CCDC7: variants seen among roughly 807,000 people sequenced by gnomAD.
CCDC7 encodes the protein coiled-coil domain-containing protein 7.
CCDC7 carries 183 observed loss-of-function variants against 196.9 expected under a neutral mutation model. The observed-to-expected ratio is 0.93, with a 90% CI of 0.82 to 1.05. The LOEUF (loss-of-function observed/expected upper bound fraction) is 1.05. Among genes scored for constraint, CCDC7 ranks in the 50% least tolerant of loss-of-function variants. The probability of loss-of-function intolerance (pLI) is 0.00; values close to 1 mark genes in which losing one functional copy is unlikely to be tolerated. For synonymous variants in CCDC7, 525 were observed against 484.6 expected (o/e 1.08, Z -1.10); for missense variants, 1,540 against 1,482.2 (o/e 1.04, Z -0.64).
At chr10:32,691,803 G>T (rs1469519051) in intron 23 of CCDC7, among the ~76,000 whole-genome samples, 1 of 152,180 alleles carries the variant, frequency 6.6e-6, no homozygotes, top group East Asian at 1.9e-4. Flanking sequence ...TGTAGCCTCT[G>T]CAGATGATGG....
intron 41 of CCDC7, among the ~76,000 whole-genome samples, chr10:32,857,339 T>A (rs2093793203): frequency 6.6e-6 from 1 of 152,192 alleles, no homozygotes; most frequent in Non-Finnish European, 1.5e-5. Flanking sequence ...TTTTTTCTAG[T>A]GCATATGGAA....
intron 30 of CCDC7, among the ~76,000 whole-genome samples, chr10:32,811,376 G>A (rs1470161631): frequency 6.6e-6 from 1 of 151,948 alleles, no homozygotes; most frequent in Non-Finnish European, 1.5e-5. Flanking sequence ...ACAACTATAC[G>A]CTGATAAACT....
At chr10:32,710,234 A>G (rs2141874544) in intron 24 of CCDC7, among the ~76,000 whole-genome samples, 2 of 152,316 alleles carry the variant, frequency 1.3e-5, no homozygotes, top group East Asian at 3.9e-4. Flanking sequence ...AAATTCTCCT[A>G]GATCACACAG....
intron 29 of CCDC7, among the ~76,000 whole-genome samples, chr10:32,798,963 A>C (rs2084206965): frequency 6.6e-6 from 1 of 152,172 alleles, no homozygotes; most frequent in Non-Finnish European, 1.5e-5. Flanking sequence ...GCAGGGTGGC[A>C]GGAGTGGGGA....
chr10:32,829,776 G>A (rs975971968), intron 32 of CCDC7, among the ~76,000 whole-genome samples: 1 of 152,044 alleles, frequency 6.6e-6, no homozygotes, highest in African/African-American at 2.4e-5. Flanking sequence ...GTGTGTCTGT[G>A]AGGGTGTTGC....
intron 31 of CCDC7, among the ~76,000 whole-genome samples, chr10:32,816,589 T>A (rs573608497): frequency 4.0e-4 from 61 of 152,252 alleles, no homozygotes; most frequent in African/African-American, 1.2e-3. Flanking sequence ...CAACCCCTAG[T>A]AGGGGCAGAC....
intron 24 of CCDC7, among the ~76,000 whole-genome samples, chr10:32,709,720 A>C (rs1219668334): frequency 6.6e-6 from 1 of 152,166 alleles, no homozygotes; most frequent in Non-Finnish European, 1.5e-5. Context: ...AGTACTGGTC[A>C]TGGCCTCGGT....
intron 21 of CCDC7, among the ~76,000 whole-genome samples, chr10:32,667,946 A>T (rs1482908649): frequency 1.3e-5 from 2 of 152,084 alleles, no homozygotes; most frequent in Non-Finnish European, 2.9e-5. Context: ...TTGAATCTAT[A>T]AATTACCTTG....
chr10:32,829,061 C>T (rs12268877), intron 32 of CCDC7, among the ~76,000 whole-genome samples: 2,552 of 152,202 alleles, frequency 0.017, 73 homozygotes, highest in African/African-American at 0.058. Flanking sequence ...GTGATTGACC[C>T]GGACTATCAA....
chr10:32,683,950 C>T (rs2076166762), intron 21 of CCDC7, among the ~76,000 whole-genome samples: 1 of 152,166 alleles, frequency 6.6e-6, no homozygotes, highest in Admixed American at 6.5e-5. Flanking sequence ...AGCTTTTGAG[C>T]TCTATACTGT....
intron 11 of CCDC7, among the ~76,000 whole-genome samples, chr10:32,538,662 A>G (rs139869191): frequency 1.3e-5 from 2 of 152,298 alleles, no homozygotes; most frequent in African/African-American, 4.8e-5. Context: ...TGTTCCTTCA[A>G]TGCCTAGTTT....
chr10:32,810,104 A>G (rs1200866408), intron 30 of CCDC7, among the ~76,000 whole-genome samples: 4 of 152,126 alleles, frequency 2.6e-5, no homozygotes, highest in Admixed American at 1.3e-4. Context: ...CCAAACCACA[A>G]TGATAAACAA....
rs761241804 is a variant in CCDC7 at position 32,833,358 on chromosome 10, A to ATTT, written c.3269-1457_3269-1456insTTT. Among the ~76,000 whole-genome samples, 206 of 148,412 alleles carry ATTT rather than the reference A, an allele frequency of 1.4e-3. 1 individual carries two copies. Among genetic ancestry groups the ATTT allele is most frequent in the South Asian group, 2.1e-3 (10 of 4,734 alleles). On this transcript the variant is annotated intron_variant, in intron 32 of 41. Transcript: ENST00000639629. The stretch of plus-strand genomic sequence containing the variant: ...ATGATATATTACCCTTTTTTTAAAA[A>ATTT]AAAAAAAAAGAAAGCTCAATAAAAT...
chr10:32,767,414 T>G (rs1365051644), intron 28 of CCDC7, among the ~76,000 whole-genome samples: 2 of 152,182 alleles, frequency 1.3e-5, no homozygotes, highest in Non-Finnish European at 2.9e-5. Flanking sequence ...TTCTAAACTA[T>G]TGATTGTATT....
chr10:32,698,115 T>C (rs934186560), intron 24 of CCDC7, among the ~76,000 whole-genome samples: 1 of 152,024 alleles, frequency 6.6e-6, no homozygotes, highest in African/African-American at 2.4e-5. Flanking sequence ...CTAAGGGTCC[T>C]GACTGTTAGA....
intron 18 of CCDC7, among the ~76,000 whole-genome samples, chr10:32,599,936 TTTG>T (rs1391878611): frequency 3.3e-5 from 5 of 152,158 alleles, no homozygotes; most frequent in Non-Finnish European, 7.4e-5. Flanking sequence ...TTTTGTGTGG[TTTG>T]TTGAAGATTA....
chr10:32,750,199 A>G (rs1227181954), intron 28 of CCDC7, among the ~76,000 whole-genome samples: 1 of 152,076 alleles, frequency 6.6e-6, no homozygotes, highest in Non-Finnish European at 1.5e-5. Context: ...AAGACATGTA[A>G]CCATATTTTG....
At chr10:32,668,513 A>G (rs1342415376) in intron 21 of CCDC7, among the ~76,000 whole-genome samples, 1 of 152,162 alleles carries the variant, frequency 6.6e-6, no homozygotes, top group Non-Finnish European at 1.5e-5. Flanking sequence ...GATTTGTCAT[A>G]GATAGCTCTT....
chr10:32,550,156 T>TG (rs1410020858), intron 13 of CCDC7, among the ~76,000 whole-genome samples: 4 of 151,948 alleles, frequency 2.6e-5, no homozygotes, highest in Non-Finnish European at 5.9e-5. Context: ...TTCTTAAGTT[T>TG]TTTTTTTTTT....
Sources: allele counts gnomAD v4.1 joint callset (sites outside exome capture counted in the v4.1 genomes callset), GRCh38; gene constraint gnomAD v4.1.1; transcripts MANE v1.5; gene names NCBI Gene and HGNC (gene_info 2026-07-23, HGNC 2026-07-21).